Variants in CRMP1 observed in about 807,000 individuals in gnomAD.
The protein encoded by CRMP1 is collapsin response mediator protein 1.
Under a neutral mutation model 68.3 loss-of-function variants are expected in CRMP1, and 19 were observed. The observed-to-expected ratio is 0.28, with a 90% CI of 0.19 to 0.41. CRMP1 has a LOEUF of 0.41. CRMP1 is among the 10% of genes least tolerant of loss of function. The pLI is 1.00. For synonymous variants in CRMP1, 439 were observed against 399.6 expected (o/e 1.10, Z -1.18); for missense variants, 791 against 967.4 (o/e 0.82, Z 2.42).
In CRMP1 at chr4:5,881,964, C is replaced by G. The variant is rs1030410801; in HGVS notation, c.381+10625G>C. ...TATTCCTTATTGTCCATTGAGACAC[C>G]TCAATTTCGAGCTTGCTACCAAATC... On this transcript the variant is annotated intron_variant, in intron 1 of 13. Coordinates refer to ENST00000324989, the MANE Select transcript of CRMP1 (RefSeq NM_001014809.3). The surrounding 1 kb of genome is among the most constrained non-coding windows in gnomAD (Gnocchi z 4.6). Among the ~76,000 whole-genome samples the G allele has an allele frequency of 3.3e-5, 5 of 152,094 alleles. No homozygotes were observed. The highest frequency in any genetic ancestry group is 5.9e-5 in the Non-Finnish European group (4 of 68,026).
rs143852988 is a variant in CRMP1, at chr4:5,828,507, G to A, written c.1785C>T (p.Arg595=). The A allele has an allele frequency of 1.9e-5, 31 of 1,614,112 alleles. No individual in the cohort carries two copies. The African/African-American group carries it at 2.1e-4, about 11-fold the overall frequency. ...RKAFPEHLYQ[R]VKIRNKVFGL... The stretch of plus-strand genomic sequence containing the variant: ...CACTCACCTTATTCCTGATTTTGAC[G>A]CGCTGGTACAGGTGCTCCGGGAACG... Residue 595 remains arginine (R), a synonymous_variant, in exon 12 of 14, where the codon CGC becomes CGT. Coordinates refer to ENST00000324989, the MANE Select transcript of CRMP1 (RefSeq NM_001014809.3).
In CRMP1 at chr4:5,874,210, A is replaced by G. The variant is rs186650119; in HGVS notation, c.382-7454T>C. Among the ~76,000 whole-genome samples, 6 of 152,376 alleles carry G rather than the reference A, an allele frequency of 3.9e-5. No individual in the cohort carries two copies. In the East Asian group the frequency reaches 9.6e-4, roughly 24 times the overall value. ...AAGATGCGATCCAGAATTAATTACA[A>G]TGGTATAACCACACCAATAATGAAG... On this transcript the variant is annotated intron_variant, in intron 1 of 13. Coordinates refer to ENST00000324989, the MANE Select transcript of CRMP1 (RefSeq NM_001014809.3).
Position 5,883,655 on chromosome 4 carries a change from G to GACACACACACACACACACACACAC in CRMP1, c.381+8910_381+8933dup, listed in dbSNP as rs148593249. ...AGATGGCAAGATAATTAAGGTCAGG[G>GACACACACACACACACACACACAC]ACACACACACACACACACACACACA... is the stretch of plus-strand genomic sequence containing the variant. On this transcript the variant is annotated intron_variant, in intron 1 of 13. Transcript: ENST00000324989. This position sits in a 1 kb window ranked among gnomAD's most constrained non-coding sequence, Gnocchi z 4.5. 6.6e-4 allele frequency among the ~76,000 whole-genome samples: 99 copies of GACACACACACACACACACACACAC among 149,682 alleles called. No homozygotes were observed. Among genetic ancestry groups the GACACACACACACACACACACACAC allele is most frequent in the African/African-American group, 2.3e-3 (95 of 40,744 alleles).
intron 1 of CRMP1, among the ~76,000 whole-genome samples, chr4:5,871,089 C>T (rs1714403534): frequency 6.6e-6 from 1 of 152,098 alleles, no homozygotes; most frequent in Non-Finnish European, 1.5e-5. Flanking sequence ...AGCTCATGTT[C>T]AAATCCACTC....
rs574052287 is a variant in CRMP1 at position 5,846,811 on chromosome 4, C to T, written c.963+2581G>A. Among the ~76,000 whole-genome samples the T allele has an allele frequency of 1.1e-4, 13 of 122,140 alleles. 1 individual carries two copies. Among genetic ancestry groups the T allele is most frequent in the East Asian group, 7.9e-4 (3 of 3,816 alleles). The allele number at this position is 122,140 out of a possible 152,430, so 80.1% of individuals were successfully genotyped here. A position where few individuals can be genotyped will look rare whatever the true frequency, so the allele number is the denominator to read the frequency against. Reference sequence around the variant, plus strand: ...TTTTTTTTTAGTAGAGGCAGTGTTTCGCCATGTTGGCCAGGCTGGTCTCAA... The same window carrying T: ...TTTTTTTTTAGTAGAGGCAGTGTTTTGCCATGTTGGCCAGGCTGGTCTCAA... On this transcript the variant is annotated intron_variant, in intron 6 of 13. Transcript: ENST00000324989.
rs372509657 is a variant in CRMP1, at chr4:5,842,616, A to T, written c.1032+477T>A. On this transcript the variant is annotated intron_variant, in intron 7 of 13. Coordinates refer to ENST00000324989, the MANE Select transcript of CRMP1 (RefSeq NM_001014809.3). This position sits in a 1 kb window ranked among gnomAD's most constrained non-coding sequence, Gnocchi z 4.5. ...CACTCTCTCACACACACACACACACACTCACTCACACACACACACACGCAC... is the reference window on the plus strand; with the variant it reads ...CACTCTCTCACACACACACACACACTCTCACTCACACACACACACACGCAC... 0.018 allele frequency among the ~76,000 whole-genome samples: 2,407 copies of T among 136,826 alleles called. 51 individuals carry two copies. The highest frequency in any genetic ancestry group is 0.063 in the African/African-American group (2,243 of 35,510). 89.8% of individuals were successfully genotyped at this position (136,826 alleles called of 152,430 possible). A position where few individuals can be genotyped will look rare whatever the true frequency, so the allele number is the denominator to read the frequency against.
intron 13 of CRMP1, chr4:5,824,205 T>G: frequency 6.6e-6 from 5 of 758,546 alleles, no homozygotes; most frequent in African/African-American, 1.9e-5. Context: ...GCAAACTCCT[T>G]GAGAGCTTGT....
intron 11 of CRMP1, among the ~76,000 whole-genome samples, chr4:5,830,497 T>A (rs796414694): frequency 5.4e-4 from 83 of 152,356 alleles, no homozygotes; most frequent in African/African-American, 1.9e-3. Context: ...TTTATCTTAA[T>A]CTTTGAACCA....
At chr4:5,864,474 GGCTGACAGGA>G (rs1239039897) in intron 2 of CRMP1, among the ~76,000 whole-genome samples, 16 of 152,328 alleles carry the variant, frequency 1.1e-4, no homozygotes, top group African/African-American at 3.8e-4. Flanking sequence ...GGTGCCCTGA[GGCTGACAGGA>G]GCATCCTCAC....
rs530206958 is a variant in CRMP1, at chr4:5,854,276, G to A, written c.820+1867C>T. ...ATGCCTTTTTCTTTTAAAAGATAGG[G>A]TCTCACTCTATGAGCCAGGCTGGAG... is the stretch of plus-strand genomic sequence containing the variant. On this transcript the variant is annotated intron_variant, in intron 4 of 13. Coordinates refer to ENST00000324989, the MANE Select transcript of CRMP1 (RefSeq NM_001014809.3). This position sits in a 1 kb window ranked among gnomAD's most constrained non-coding sequence, Gnocchi z 4.0. Among the ~76,000 whole-genome samples the A allele has an allele frequency of 8.6e-5, 13 of 152,014 alleles. No individual in the cohort carries two copies. The highest frequency in any genetic ancestry group is 2.7e-4 in the African/African-American group (11 of 41,450).
chr4:5,851,479 G>C lies in CRMP1; in HGVS notation c.821-10C>G. The C allele has an allele frequency of 6.2e-7, 1 of 1,610,926 alleles. No individual in the cohort carries two copies. The highest frequency in any genetic ancestry group is 8.5e-7 in the Non-Finnish European group (1 of 1,177,106). The stretch of plus-strand genomic sequence containing the variant: ...TGGAAGGAATTGACGCCTGTTTCAA[G>C]ATAGAAAGGATAGAAAAATATGTTT... On this transcript the variant is annotated splice_polypyrimidine_tract_variant and intron_variant, in intron 4 of 13. Coordinates refer to ENST00000324989, the MANE Select transcript of CRMP1 (RefSeq NM_001014809.3).
chr4:5,840,820 G>A (rs1428640603), intron 8 of CRMP1, among the ~76,000 whole-genome samples: 2 of 152,084 alleles, frequency 1.3e-5, no homozygotes, highest in East Asian at 3.9e-4. Context: ...AAGCTGTGCT[G>A]TTCTAGCCTC....
At chr4:5,863,837 T>C (rs1713775325) in intron 2 of CRMP1, among the ~76,000 whole-genome samples, 1 of 152,100 alleles carries the variant, frequency 6.6e-6, no homozygotes, top group African/African-American at 2.4e-5. Context: ...GTACCCGAGG[T>C]GGTCCCCGGC....
At chr4:5,852,296 C>G (rs1282986095) in intron 4 of CRMP1, among the ~76,000 whole-genome samples, 1 of 152,178 alleles carries the variant, frequency 6.6e-6, no homozygotes, top group Non-Finnish European at 1.5e-5. Context: ...TTCACTTTCC[C>G]CATTTCTGCA....
At position 5,890,738 on chromosome 4, in the gene CRMP1, G is replaced by A. The variant is rs1715904469; in HGVS notation, c.381+1851C>T. On this transcript the variant is annotated intron_variant, in intron 1 of 13. Transcript: ENST00000324989. The surrounding 1 kb of genome is among the most constrained non-coding windows in gnomAD (Gnocchi z 5.5). ...GAGGTGAAGCGACCAGCGTCCCCAA[G>A]GGTCAGGGCGCAGCTGCGGGGCTGG... Among the ~76,000 whole-genome samples, 1 of 152,188 alleles carries A rather than the reference G, an allele frequency of 6.6e-6. No individual in the cohort carries two copies. Among genetic ancestry groups the A allele is most frequent in the Admixed American group, 6.5e-5 (1 of 15,290 alleles).
rs960387695 is a variant in CRMP1 at position 5,879,277 on chromosome 4, C to G, written c.382-12521G>C. The stretch of plus-strand genomic sequence containing the variant: ...GCCTCCCTGCAGCATGCATCTCTGG[C>G]CACATCTGCTCTGCTCATTGCTTTC... On this transcript the variant is annotated intron_variant, in intron 1 of 13. Coordinates refer to ENST00000324989, the MANE Select transcript of CRMP1 (RefSeq NM_001014809.3). This position sits in a 1 kb window ranked among gnomAD's most constrained non-coding sequence, Gnocchi z 4.2. Among the ~76,000 whole-genome samples, 1 of 152,242 alleles carries G rather than the reference C, an allele frequency of 6.6e-6. No homozygotes were observed. The highest frequency in any genetic ancestry group is 1.5e-5 in the Non-Finnish European group (1 of 68,042).
At position 5,877,884 on chromosome 4, in the gene CRMP1, G is replaced by C. The variant is rs1400614523; in HGVS notation, c.382-11128C>G. Among the ~76,000 whole-genome samples, 1 of 152,220 alleles carries C rather than the reference G, an allele frequency of 6.6e-6. No homozygotes were observed. Among genetic ancestry groups the C allele is most frequent in the Non-Finnish European group, 1.5e-5 (1 of 68,042 alleles). ...CAGCACACCTCTGTCACAACCCTAAGAGTGGGCAGGGCCTGCACGCTGCAT... is the reference window on the plus strand; with the variant it reads ...CAGCACACCTCTGTCACAACCCTAACAGTGGGCAGGGCCTGCACGCTGCAT... On this transcript the variant is annotated intron_variant, in intron 1 of 13. Coordinates refer to ENST00000324989, the MANE Select transcript of CRMP1 (RefSeq NM_001014809.3). The surrounding 1 kb of genome is among the most constrained non-coding windows in gnomAD (Gnocchi z 4.3).
At position 5,888,558 on chromosome 4, in the gene CRMP1, G is replaced by A. The variant is rs919515760; in HGVS notation, c.381+4031C>T. ...TGCAGACAGCTCCTCCCGGCGGCGCGGAGCGAAGCCGGATTCGCCCCTCTC... is the reference window on the plus strand; with the variant it reads ...TGCAGACAGCTCCTCCCGGCGGCGCAGAGCGAAGCCGGATTCGCCCCTCTC... On this transcript the variant is annotated intron_variant, in intron 1 of 13. Coordinates refer to ENST00000324989, the MANE Select transcript of CRMP1 (RefSeq NM_001014809.3). The surrounding 1 kb of genome is among the most constrained non-coding windows in gnomAD (Gnocchi z 6.4). 9 of 1,131,878 alleles carry A rather than the reference G, an allele frequency of 8.0e-6. No individual in the cohort carries two copies. In the African/African-American group the frequency reaches 9.8e-5, roughly 12 times the overall value. The allele number at this position is 1,131,878 out of a possible 1,614,324, so 70.1% of individuals were successfully genotyped here.
chr4:5,839,514 G>C lies in CRMP1; in HGVS notation c.1310+8C>G. 1 of 1,602,798 alleles carries C rather than the reference G, an allele frequency of 6.2e-7. No individual in the cohort carries two copies. Among genetic ancestry groups the C allele is most frequent in the Non-Finnish European group, 8.5e-7 (1 of 1,174,830 alleles). ...CCTCCCCCAGCCCCACGTTCTCACA[G>C]GTCTCACCAGGCCAGTAGGGAGGTC... On this transcript the variant is annotated splice_region_variant and intron_variant, in intron 9 of 13. Coordinates refer to ENST00000324989, the MANE Select transcript of CRMP1 (RefSeq NM_001014809.3).
Sources: allele counts gnomAD v4.1 joint callset (sites outside exome capture counted in the v4.1 genomes callset), GRCh38; gene constraint gnomAD v4.1.1; non-coding constraint Gnocchi (gnomAD v3.1); transcripts MANE v1.5; gene names NCBI Gene and HGNC (gene_info 2026-07-23, HGNC 2026-07-21).